The following TXLNB variants were observed in gnomAD, a reference collection of about 807,000 sequenced individuals.
TXLNB encodes the protein taxilin beta.
TXLNB carries 37 observed loss-of-function variants against 57.4 expected under a neutral mutation model. That is an observed-to-expected ratio of 0.64 (90% CI 0.50 to 0.85). The LOEUF (loss-of-function observed/expected upper bound fraction) is 0.85. Among genes scored for constraint, TXLNB ranks in the 40% least tolerant of loss-of-function variants. The probability of loss-of-function intolerance (pLI) is 0.00; values close to 1 mark genes in which losing one functional copy is unlikely to be tolerated. For synonymous variants in TXLNB, 302 were observed against 309.6 expected (o/e 0.98, Z 0.26); for missense variants, 848 against 825.6 (o/e 1.03, Z -0.33).
At position 139,241,519 on chromosome 6, in the gene TXLNB, C is replaced by A. The variant is rs1359125958; in HGVS notation, c.*1007G>T. ...CCCTTCTTAGTGTGAGGTCCCTTAACCCCTCAATCCCTAGCTCCCCTTTCC... is the reference window on the plus strand; with the variant it reads ...CCCTTCTTAGTGTGAGGTCCCTTAAACCCTCAATCCCTAGCTCCCCTTTCC... On this transcript the variant is annotated 3_prime_UTR_variant, in exon 10 of 10. Coordinates refer to ENST00000358430, the MANE Select transcript of TXLNB (RefSeq NM_153235.4). The A allele has an allele frequency of 2.6e-5, 4 of 152,214 alleles. No individual in the cohort carries two copies. Among genetic ancestry groups the A allele is most frequent in the Non-Finnish European group, 4.4e-5 (3 of 68,054 alleles). The allele number at this position is 152,214 out of a possible 1,614,324, so 9.4% of individuals were successfully genotyped here.
chr6:139,301,785 C>A, the TXLNB span, among the ~76,000 whole-genome samples: 1 of 152,052 alleles, frequency 6.6e-6, no homozygotes, highest in Non-Finnish European at 1.5e-5. Flanking sequence ...TAATCCCCAC[C>A]CCCCTGACCA....
the TXLNB span, chr6:139,167,112 G>A: frequency 1.9e-6 from 3 of 1,614,186 alleles, no homozygotes; most frequent in Non-Finnish European, 2.5e-6. Context: ...TTCCACGTGC[G>A]CATGGAAGAC....
At chr6:139,177,825 TTG>T in the TXLNB span, 1 of 152,244 alleles carries the variant, frequency 6.6e-6, no homozygotes, top group African/African-American at 2.4e-5. This position sits in a 1 kb window ranked among gnomAD's most constrained non-coding sequence, Gnocchi z 4.9. Context: ...ATCATTTAAA[TTG>T]TGTCTTTGAA....
chr6:139,298,224 T>G, the TXLNB span, among the ~76,000 whole-genome samples: 1 of 152,212 alleles, frequency 6.6e-6, no homozygotes, highest in Non-Finnish European at 1.5e-5. Flanking sequence ...GTATAAATAT[T>G]GGGTGCTACA....
the TXLNB span, among the ~76,000 whole-genome samples, chr6:139,167,696 C>T: frequency 1.5e-3 from 221 of 152,234 alleles, 7 homozygotes; most frequent in South Asian, 0.042. Context: ...ATAAACATAA[C>T]AGTGAGGAAA....
At chr6:139,223,202 C>T in the TXLNB span, among the ~76,000 whole-genome samples, 1 of 152,214 alleles carries the variant, frequency 6.6e-6, no homozygotes, top group Middle Eastern at 3.4e-3. Context: ...AATCAATACA[C>T]TTTTAAACAT....
chr6:139,222,721 G>A, the TXLNB span, among the ~76,000 whole-genome samples: 3 of 152,176 alleles, frequency 2.0e-5, no homozygotes, highest in South Asian at 4.1e-4. Context: ...CAGGAGAATC[G>A]CTTAGAACCC....
chr6:139,280,129 G>A lies in TXLNB; in HGVS notation c.425-3208C>T, dbSNP rs917871272. Among the ~76,000 whole-genome samples the A allele has an allele frequency of 3.3e-5, 5 of 151,892 alleles. No individual in the cohort carries two copies. In the East Asian group the frequency reaches 9.7e-4, roughly 29 times the overall value. On this transcript the variant is annotated intron_variant, in intron 2 of 9. Transcript: ENST00000358430. ...TTAGCTGGTGTCGTGGCACATGCCT[G>A]TAATCCCAGCTACTCTGGAGGCTGA...
rs901707170 is a variant in TXLNB at position 139,284,994 on chromosome 6, G to A, written c.424+3482C>T. Among the ~76,000 whole-genome samples the A allele has an allele frequency of 3.4e-5, 5 of 145,004 alleles. 1 individual carries two copies. Among genetic ancestry groups the A allele is most frequent in the Non-Finnish European group, 7.7e-5 (5 of 65,320 alleles). On this transcript the variant is annotated intron_variant, in intron 2 of 9. Coordinates refer to ENST00000358430, the MANE Select transcript of TXLNB (RefSeq NM_153235.4). ...ATGATGAGTGGGAAGGCACAGAAAGGTCATGAGCCCACACATACTCAATTA... is the reference window on the plus strand; with the variant it reads ...ATGATGAGTGGGAAGGCACAGAAAGATCATGAGCCCACACATACTCAATTA...
chr6:139,274,113 T>G (rs1776835252), intron 3 of TXLNB, among the ~76,000 whole-genome samples: 1 of 152,250 alleles, frequency 6.6e-6, no homozygotes, highest in Non-Finnish European at 1.5e-5. Context: ...ACATAAGAAT[T>G]GAGGAAATTA....
At chr6:139,213,446 C>T in the TXLNB span, among the ~76,000 whole-genome samples, 217 of 152,240 alleles carry the variant, frequency 1.4e-3, no homozygotes, top group African/African-American at 5.1e-3. Context: ...AAAGACACAA[C>T]ATATCAAAAT....
chr6:139,218,238 T>G, the TXLNB span, among the ~76,000 whole-genome samples: 1 of 152,222 alleles, frequency 6.6e-6, no homozygotes, highest in Admixed American at 6.5e-5. Flanking sequence ...TTTGTATGTA[T>G]GCACATATTT....
At chr6:139,166,890 A>T in the TXLNB span, 1 of 1,613,820 alleles carries the variant, frequency 6.2e-7, no homozygotes, top group South Asian at 1.1e-5. Flanking sequence ...TCCTCCAGAT[A>T]CCTCGGGGAG....
the TXLNB span, among the ~76,000 whole-genome samples, chr6:139,219,764 A>G: frequency 5.3e-5 from 8 of 152,056 alleles, no homozygotes; most frequent in African/African-American, 1.7e-4. Flanking sequence ...CTAAAGACCC[A>G]TCTTGAAACC....
chr6:139,168,432 T>G, the TXLNB span, among the ~76,000 whole-genome samples: 2 of 151,794 alleles, frequency 1.3e-5, no homozygotes, highest in Non-Finnish European at 1.5e-5. Flanking sequence ...ATAGTTTTTT[T>G]TTTTTTTTTT....
the TXLNB span, among the ~76,000 whole-genome samples, chr6:139,163,103 C>G: frequency 6.6e-6 from 1 of 152,208 alleles, no homozygotes; most frequent in Non-Finnish European, 1.5e-5. Flanking sequence ...TTGGCTGGGA[C>G]TTTTCAGGTT....
chr6:139,244,561 G>A, intron 9 of TXLNB, 34 bp downstream of exon 9: 1 of 1,356,300 alleles, frequency 7.4e-7, no homozygotes, highest in Non-Finnish European at 1.1e-6. Context: ...TGACTAGACA[G>A]AGGGGATTAA....
In TXLNB at chr6:139,241,404, T is replaced by C. The variant is rs1381610943; in HGVS notation, c.*1122A>G. On this transcript the variant is annotated 3_prime_UTR_variant, in exon 10 of 10. Transcript: ENST00000358430. ...AAATTGGGAAGGAAGGAGCAGAAGC[T>C]TTTAGAATATAGAATGGGTCTGACA... 6.6e-6 allele frequency: 1 copy of C among 152,202 alleles called. No individual in the cohort carries two copies. Among genetic ancestry groups the C allele is most frequent in the African/African-American group, 2.4e-5 (1 of 41,448 alleles). 9.4% of individuals were successfully genotyped at this position (152,202 alleles called of 1,614,324 possible).
At chr6:139,189,773 T>C in the TXLNB span, among the ~76,000 whole-genome samples, 1 of 152,156 alleles carries the variant, frequency 6.6e-6, no homozygotes, top group Non-Finnish European at 1.5e-5. Context: ...ATGTCAGCAT[T>C]TAGCAAGGTT....
Sources: allele counts gnomAD v4.1 joint callset (sites outside exome capture counted in the v4.1 genomes callset), GRCh38; gene constraint gnomAD v4.1.1; non-coding constraint Gnocchi (gnomAD v3.1); transcripts MANE v1.5; gene names NCBI Gene and HGNC (gene_info 2026-07-23, HGNC 2026-07-21).